TAMM41: variants seen among roughly 807,000 people sequenced by gnomAD.
TAMM41 encodes TAM41 mitochondrial translocator assembly and maintenance homolog, also known as phosphatidate cytidylyltransferase, mitochondrial.
Under a neutral mutation model 44.1 loss-of-function variants are expected in TAMM41, and 36 were observed. The observed-to-expected ratio is 0.82, with a 90% CI of 0.63 to 1.08. TAMM41 has a LOEUF of 1.08. TAMM41 is among the 50% of genes least tolerant of loss of function. TAMM41 has a pLI of 0.00. For missense variants in TAMM41, 417 were observed against 404.3 expected (o/e 1.03, Z -0.27); for synonymous variants, 164 against 153.1 (o/e 1.07, Z -0.53).
In TAMM41 at chr3:11,844,173, A is replaced by C. The variant is rs749534798; in HGVS notation, c.174T>G (p.Pro58=). Residue 58 remains proline, a synonymous_variant, in exon 2 of 8, where the codon CCT becomes CCG. Coordinates refer to ENST00000455809, the MANE Select transcript of TAMM41 (RefSeq NM_001284401.2). ...TCAGGTTCTTTGAATGCCATGCGAC[A>C]GGGTCATCTACTGTGAACACAAAGT... ...MLDFVFTVDD[P]VAWHSKNLKK... is the part of the protein sequence containing the mutation. 6.2e-6 allele frequency: 10 copies of C among 1,614,120 alleles called. No individual in the cohort carries two copies. Among genetic ancestry groups the C allele is most frequent in the African/African-American group, 2.7e-5 (2 of 74,948 alleles).
At chr3:11,757,127 A>C in the TAMM41 span, among the ~76,000 whole-genome samples, 1 of 152,224 alleles carries the variant, frequency 6.6e-6, no homozygotes, top group East Asian at 1.9e-4. Flanking sequence ...GAGGGGTTAA[A>C]CAACCTGCCC....
At chr3:11,756,692 C>T in the TAMM41 span, among the ~76,000 whole-genome samples, 1 of 151,866 alleles carries the variant, frequency 6.6e-6, no homozygotes, top group African/African-American at 2.4e-5. Flanking sequence ...ATGGAGAAAC[C>T]CCGTCTCTAC....
At chr3:11,748,445 C>CTT in the TAMM41 span, among the ~76,000 whole-genome samples, 6 of 150,850 alleles carry the variant, frequency 4.0e-5, no homozygotes, top group South Asian at 2.1e-4. Flanking sequence ...CCACGTCTGG[C>CTT]TTTTTTTTTG....
chr3:11,742,408 A>G, the TAMM41 span, among the ~76,000 whole-genome samples: 1 of 150,296 alleles, frequency 6.7e-6, no homozygotes, highest in Non-Finnish European at 1.5e-5. Flanking sequence ...CAGTTGTTAC[A>G]TGCATCAGTA....
intron 7 of TAMM41, chr3:11,807,563 A>AG: frequency 6.5e-7 from 1 of 1,536,118 alleles, no homozygotes; most frequent in Middle Eastern, 1.7e-4. Flanking sequence ...AAACAATATG[A>AG]GGGAAAAACC....
intron 2 of TAMM41, among the ~76,000 whole-genome samples, chr3:11,842,624 G>C (rs543803594): frequency 6.6e-6 from 1 of 152,212 alleles, no homozygotes; most frequent in South Asian, 2.1e-4. Flanking sequence ...AGCCCGGGAG[G>C]CAGAGATTGC....
chr3:11,841,686 A>T (rs1469162424), intron 2 of TAMM41, among the ~76,000 whole-genome samples: 1 of 152,220 alleles, frequency 6.6e-6, no homozygotes, highest in Admixed American at 6.5e-5. Context: ...AGTGTCCTGC[A>T]TGACTCAAGT....
At chr3:11,727,285 C>G in the TAMM41 span, among the ~76,000 whole-genome samples, 5 of 152,064 alleles carry the variant, frequency 3.3e-5, no homozygotes, top group African/African-American at 1.2e-4. Flanking sequence ...CTGCTTATGC[C>G]CCTCACTCCT....
the TAMM41 span, among the ~76,000 whole-genome samples, chr3:11,785,118 G>A: frequency 1.3e-5 from 2 of 152,182 alleles, no homozygotes; most frequent in South Asian, 2.1e-4. Context: ...TGGTGAGCTC[G>A]GCCATTCCTC....
chr3:11,722,781 C>T, the TAMM41 span, among the ~76,000 whole-genome samples: 5 of 152,066 alleles, frequency 3.3e-5, no homozygotes, highest in South Asian at 2.1e-4. Context: ...CCAGGCTGGC[C>T]AACATGGTGA....
intron 7 of TAMM41, among the ~76,000 whole-genome samples, chr3:11,800,880 T>C (rs7631461): frequency 0.4 from 61,468 of 151,932 alleles, 12,669 homozygotes; most frequent in Admixed American, 0.49. Flanking sequence ...ACATAAAACA[T>C]TCTTCAAGCA....
chr3:11,829,647 AG>A, intron 4 of TAMM41, 66 bp downstream of exon 4: 1 of 1,553,156 alleles, frequency 6.4e-7, no homozygotes, highest in Non-Finnish European at 8.8e-7. Context: ...GAGTGAGAAC[AG>A]GATATCCGCA....
chr3:11,845,086 G>C (rs907211720), intron 1 of TAMM41: 1 of 436,534 alleles, frequency 2.3e-6, no homozygotes, highest in East Asian at 7.0e-5. Flanking sequence ...GGAAGCTGCC[G>C]TCAGATATGA....
chr3:11,789,211 G>T (rs114434499), downstream of TAMM41, among the ~76,000 whole-genome samples: 57 of 152,298 alleles, frequency 3.7e-4, no homozygotes, highest in South Asian at 2.1e-3. Flanking sequence ...GTGGCGATGA[G>T]ATATAACTCA....
At chr3:11,807,751 T>TA (rs1559279124) in intron 7 of TAMM41, 82 bp downstream of exon 7, 6 of 1,535,954 alleles carry the variant, frequency 3.9e-6, no homozygotes, top group Non-Finnish European at 5.2e-6. Flanking sequence ...ACCTAAAAGA[T>TA]ACAAAGCTTT....
the TAMM41 span, among the ~76,000 whole-genome samples, chr3:11,782,821 T>C: frequency 6.6e-6 from 1 of 152,200 alleles, no homozygotes; most frequent in Admixed American, 6.5e-5. Context: ...CAGTGATTTT[T>C]TGGTGGGACA....
chr3:11,723,441 G>A, the TAMM41 span, among the ~76,000 whole-genome samples: 690 of 152,104 alleles, frequency 4.5e-3, 4 homozygotes, highest in Non-Finnish European at 7.3e-3. Context: ...TTAGCTGGGC[G>A]TGGTGGCACA....
intron 7 of TAMM41, among the ~76,000 whole-genome samples, chr3:11,791,915 C>T (rs2077487194): frequency 6.6e-6 from 1 of 152,122 alleles, no homozygotes; most frequent in Admixed American, 6.5e-5. Context: ...CTGGTAAACC[C>T]CACCCACTTC....
chr3:11,831,013 C>G (rs2078963482), intron 3 of TAMM41: 1 of 152,122 alleles, frequency 6.6e-6, no homozygotes, highest in Non-Finnish European at 1.5e-5. Context: ...GGGCATAATT[C>G]CTTATCAGTA....
Sources: gnomAD v4.1 joint callset for allele counts (sites outside exome capture counted in the v4.1 genomes callset) on GRCh38, gnomAD v4.1.1 for gene constraint, MANE v1.5 for transcripts, NCBI Gene and HGNC (gene_info 2026-07-23, HGNC 2026-07-21) for gene names.